HDAC9: variants seen among roughly 807,000 people sequenced by gnomAD.
HDAC9 encodes histone deacetylase 9.
HDAC9 carries 41 observed loss-of-function variants against 139.4 expected under a neutral mutation model. The ratio of observed to expected loss-of-function variants is 0.29; its 90% CI spans 0.23 to 0.38. The LOEUF is 0.38. HDAC9 is among the 10% of genes least tolerant of loss of function. The pLI, the probability that HDAC9 is intolerant of heterozygous loss-of-function variation, is 1.00. For missense variants in HDAC9, 1,147 were observed against 1,297.0 expected, an observed-to-expected ratio of 0.88 and a Z score of 1.78; for synonymous variants, 517 against 476.2, an observed-to-expected ratio of 1.09 and a Z score of -1.12.
chr7:18,767,163 C>A lies in HDAC9; in HGVS notation c.2214+8C>A. On this transcript the variant is annotated splice_region_variant and intron_variant, in intron 16 of 25. Transcript: ENST00000686413. Reference sequence around the variant, plus strand: ...CCTTGTGGTGGACTTGGGGTAAGTACAAGTTGGTTTACTGCCTTTAAATAA... The same window carrying A: ...CCTTGTGGTGGACTTGGGGTAAGTAAAAGTTGGTTTACTGCCTTTAAATAA... 1 of 1,551,362 alleles carries A rather than the reference C, an allele frequency of 6.4e-7. No homozygotes were observed. The highest frequency in any genetic ancestry group is 1.9e-5 in the Admixed American group (1 of 53,936).
In HDAC9 at chr7:19,001,410, G is replaced by C. The variant is rs781462258; in HGVS notation, c.*5348G>C. ...ATAGGGAGAGTTCACTGTTTCCTGG[G>C]ACATTGTGGTCATGTCCTTAATCCT... is the stretch of plus-strand genomic sequence containing the variant. On this transcript the variant is annotated 3_prime_UTR_variant, in exon 26 of 26. Transcript: ENST00000686413. 2.6e-5 allele frequency: 4 copies of C among 151,916 alleles called. No individual in the cohort carries two copies. The highest frequency in any genetic ancestry group is 5.9e-5 in the Non-Finnish European group (4 of 67,950). The allele number at this position is 151,916 out of a possible 1,614,324, so 9.4% of individuals were successfully genotyped here. A position where few individuals can be genotyped will look rare whatever the true frequency, so the allele number is the denominator to read the frequency against.
intron 23 of HDAC9, among the ~76,000 whole-genome samples, chr7:18,938,591 G>T (rs146666511): frequency 6.6e-6 from 1 of 151,802 alleles, no homozygotes; most frequent in Admixed American, 6.6e-5. Context: ...GCGAGACTCC[G>T]TCTCAAAAAA....
intron 21 of HDAC9, among the ~76,000 whole-genome samples, chr7:18,868,193 G>C (rs1798637304): frequency 6.6e-6 from 1 of 152,054 alleles, no homozygotes; most frequent in Non-Finnish European, 1.5e-5. Context: ...AAAGTAGCTA[G>C]TACCAGCTTT....
chr7:18,709,600 A>T (rs984480153), intron 12 of HDAC9, among the ~76,000 whole-genome samples: 2 of 152,226 alleles, frequency 1.3e-5, no homozygotes, highest in African/African-American at 4.8e-5. Context: ...TAATTCACTT[A>T]TTCAACAAAG....
chr7:18,630,162 T>G lies in HDAC9; in HGVS notation c.796+681T>G, dbSNP rs192696870. Among the ~76,000 whole-genome samples the G allele has an allele frequency of 4.6e-5, 7 of 152,198 alleles. No individual in the cohort carries two copies. The East Asian group carries it at 9.7e-4, about 21-fold the overall frequency. On this transcript the variant is annotated intron_variant, in intron 7 of 25. Coordinates refer to ENST00000686413, the MANE Select transcript of HDAC9 (RefSeq NM_178425.4). ...TGGTTTGAAATGAAAGACCTAAGGC[T>G]GTAAGAACCAAAAATACTAGCCAAA...
chr7:18,609,936 T>C (rs1366699775), intron 6 of HDAC9, among the ~76,000 whole-genome samples: 1 of 152,162 alleles, frequency 6.6e-6, no homozygotes, highest in Non-Finnish European at 1.5e-5. Context: ...GCTTCATCCA[T>C]GTCCCTACAA....
chr7:18,972,424 A>C (rs1784302211), intron 24 of HDAC9, among the ~76,000 whole-genome samples: 1 of 127,038 alleles, frequency 7.9e-6, no homozygotes, highest in Non-Finnish European at 1.6e-5. Flanking sequence ...CCTGTCACCC[A>C]GTCTGGAGTG....
At chr7:18,864,630 GAA>G (rs950369461) in intron 21 of HDAC9, among the ~76,000 whole-genome samples, 1 of 150,408 alleles carries the variant, frequency 6.6e-6, no homozygotes, top group Non-Finnish European at 1.5e-5. Context: ...AAAAAGGAAA[GAA>G]AAAAAACTAA....
At chr7:18,601,849 A>G (rs912412326) in intron 6 of HDAC9, among the ~76,000 whole-genome samples, 12 of 152,192 alleles carry the variant, frequency 7.9e-5, no homozygotes, top group Admixed American at 2.6e-4. Flanking sequence ...CTTTTTGTAC[A>G]TCATTGGATT....
intron 22 of HDAC9, among the ~76,000 whole-genome samples, chr7:18,903,754 C>A (rs1045450002): frequency 6.6e-6 from 1 of 152,204 alleles, no homozygotes; most frequent in African/African-American, 2.4e-5. Context: ...AATTCCACTC[C>A]TAAGATCTCT....
At chr7:18,263,494 C>A (rs976610953) in intron 2 of HDAC9, among the ~76,000 whole-genome samples, 12 of 152,102 alleles carry the variant, frequency 7.9e-5, no homozygotes, top group Non-Finnish European at 1.6e-4. Flanking sequence ...CACCTGTTGC[C>A]TTGAACAAAC....
chr7:18,625,266 C>CT (rs1317849472), intron 6 of HDAC9, among the ~76,000 whole-genome samples: 1 of 152,136 alleles, frequency 6.6e-6, no homozygotes, highest in Non-Finnish European at 1.5e-5. Context: ...AATAATCTCT[C>CT]TTTTCTTTTC....
At chr7:18,804,198 T>G (rs2520344) in intron 17 of HDAC9, among the ~76,000 whole-genome samples, 3,739 of 152,272 alleles carry the variant, frequency 0.025, 135 homozygotes, top group African/African-American at 0.078. Context: ...TATGTAGATA[T>G]GTGGGGAAAG....
At chr7:18,949,396 T>C (rs1782630588) in intron 23 of HDAC9, 1 of 256,578 alleles carries the variant, frequency 3.9e-6, no homozygotes, top group Admixed American at 4.1e-5. Context: ...TCACTGTGCA[T>C]CTTCCTCCAC....
chr7:18,809,251 A>C (rs1793978575), intron 17 of HDAC9, among the ~76,000 whole-genome samples: 3 of 152,066 alleles, frequency 2.0e-5, no homozygotes. Flanking sequence ...AGGAAAACTT[A>C]GGGAAACCCT....
At chr7:18,675,242 G>A (rs1016454497) in intron 12 of HDAC9, among the ~76,000 whole-genome samples, 1 of 151,982 alleles carries the variant, frequency 6.6e-6, no homozygotes, top group Non-Finnish European at 1.5e-5. Flanking sequence ...ATTTTGCATC[G>A]TCTTTGAGAT....
intron 1 of HDAC9, among the ~76,000 whole-genome samples, chr7:18,427,409 T>C (rs1790216616): frequency 6.8e-6 from 1 of 147,864 alleles, no homozygotes; most frequent in South Asian, 2.2e-4. Flanking sequence ...TTTATTTCTT[T>C]ATTTTTTTTT....
intron 12 of HDAC9, among the ~76,000 whole-genome samples, chr7:18,683,681 A>G (rs1007888938): frequency 2.6e-5 from 4 of 152,088 alleles, no homozygotes; most frequent in Non-Finnish European, 4.4e-5. Context: ...TTATAGGTAT[A>G]TTGAGTGAGC....
chr7:18,288,009 T>A (rs1036525406), upstream of HDAC9, among the ~76,000 whole-genome samples: 1 of 152,212 alleles, frequency 6.6e-6, no homozygotes, highest in Admixed American at 6.5e-5. Flanking sequence ...TTTAATTCAA[T>A]TTTAGTATAC....
Sources: gnomAD v4.1 joint callset for allele counts (sites outside exome capture counted in the v4.1 genomes callset) on GRCh38, gnomAD v4.1.1 for gene constraint, MANE v1.5 for transcripts, NCBI Gene and HGNC (gene_info 2026-07-23, HGNC 2026-07-21) for gene names.